Variants in ZNF280D observed in about 807,000 individuals in gnomAD.
The protein encoded by ZNF280D is zinc finger protein 280D, also known as suppressor of hairy wing homolog 4.
ZNF280D carries 39 observed loss-of-function variants against 94.7 expected under a neutral mutation model. The observed-to-expected ratio is 0.41, with a 90% CI of 0.32 to 0.54. The LOEUF (loss-of-function observed/expected upper bound fraction) is 0.54, where lower values mean the gene tolerates loss of function less well. Ranked by LOEUF, ZNF280D falls within the 20% of genes least tolerant of loss-of-function variation. The pLI, the probability that ZNF280D is intolerant of heterozygous loss-of-function variation, is 0.22. For missense variants in ZNF280D, 1,090 were observed against 1,149.3 expected (o/e 0.95, Z 0.75); for synonymous variants, 398 against 377.6 (o/e 1.05, Z -0.63).
intron 1 of ZNF280D, among the ~76,000 whole-genome samples, chr15:56,723,460 A>G (rs765016506): frequency 1.3e-5 from 2 of 152,210 alleles, no homozygotes; most frequent in Non-Finnish European, 2.9e-5. Flanking sequence ...ATTAGTGTTG[A>G]CAGTTGTACA....
intron 16 of ZNF280D, among the ~76,000 whole-genome samples, chr15:56,659,214 A>G (rs1338203483): frequency 2.0e-5 from 3 of 151,354 alleles, no homozygotes; most frequent in African/African-American, 7.3e-5. Flanking sequence ...TCATGAGTTA[A>G]AACAATGTTT....
At chr15:56,725,627 T>C (rs1192536842) in intron 1 of ZNF280D, among the ~76,000 whole-genome samples, 1 of 152,072 alleles carries the variant, frequency 6.6e-6, no homozygotes, top group Non-Finnish European at 1.5e-5. Context: ...GAGGACCTAG[T>C]AGAATCCTTC....
chr15:56,700,782 A>G (rs1245560645), intron 6 of ZNF280D, 151 bp downstream of exon 6: 15 of 1,532,696 alleles, frequency 9.8e-6, no homozygotes, highest in Non-Finnish European at 1.3e-5. Context: ...TGCTTGAGCT[A>G]GCGAAAATAT....
intron 9 of ZNF280D, among the ~76,000 whole-genome samples, chr15:56,686,303 A>G (rs527826352): frequency 6.6e-6 from 1 of 152,000 alleles, no homozygotes; most frequent in Non-Finnish European, 1.5e-5. Flanking sequence ...ATGCCTGGCT[A>G]AGTTCTTGTA....
intron 20 of ZNF280D, among the ~76,000 whole-genome samples, chr15:56,640,346 A>T (rs2052568636): frequency 6.6e-6 from 1 of 151,910 alleles, no homozygotes; most frequent in Admixed American, 6.6e-5. Flanking sequence ...CTGGTCTCTA[A>T]CTCCTAGACT....
intron 16 of ZNF280D, among the ~76,000 whole-genome samples, chr15:56,664,422 T>A (rs1367916753): frequency 2.0e-5 from 3 of 151,874 alleles, no homozygotes; most frequent in African/African-American, 7.3e-5. Context: ...GAGATGAAGA[T>A]CCAAGTTAAC....
intron 1 of ZNF280D, among the ~76,000 whole-genome samples, chr15:56,731,627 C>A (rs1324397959): frequency 6.6e-6 from 1 of 151,264 alleles, no homozygotes; most frequent in Admixed American, 6.6e-5. Context: ...AGTGTGATTG[C>A]GGTATTGTTA....
chr15:56,653,526 T>C, intron 19 of ZNF280D: 2 of 1,523,310 alleles, frequency 1.3e-6, no homozygotes, highest in Non-Finnish European at 1.8e-6. Context: ...CAGGCATCAG[T>C]TGTGTCCATC....
chr15:56,694,782 G>C (rs1036394972), intron 6 of ZNF280D, among the ~76,000 whole-genome samples: 1 of 152,136 alleles, frequency 6.6e-6, no homozygotes, highest in South Asian at 2.1e-4. Context: ...TAGGATACTG[G>C]GCAGGAAAAA....
rs962261678 is a variant in ZNF280D, at chr15:56,667,798, A to G, written c.1546-812T>C. Among the ~76,000 whole-genome samples the G allele has an allele frequency of 3.3e-5, 5 of 152,072 alleles. No individual in the cohort carries two copies. The South Asian group carries it at 8.3e-4, about 25-fold the overall frequency. On this transcript the variant is annotated intron_variant, in intron 14 of 21. Coordinates refer to ENST00000267807, the MANE Select transcript of ZNF280D (RefSeq NM_017661.4). ...CTTGAACAAGGAACTTATCCTCTCT[A>G]TGCTTCTTCACATCTATAACATGGG...
Position 56,676,713 on chromosome 15 carries a change from A to G in ZNF280D, c.1367T>C (p.Ile456Thr). The G allele has an allele frequency of 6.2e-7, 1 of 1,612,772 alleles. No homozygotes were observed. The highest frequency in any genetic ancestry group is 8.5e-7 in the Non-Finnish European group (1 of 1,179,210). Reference protein sequence around the residue: ...NLLCPFCLKVIKIATPYMHHY... With the variant: ...NLLCPFCLKVTKIATPYMHHY... ...ATGCATATATGGTGTTGCAATTTTA[A>G]TAACTTTGAGGCAAAACGGGCATAG... Residue 456 changes from isoleucine to threonine, a missense_variant, in exon 13 of 22, where the codon ATT becomes ACT. Ile to Thr is a moderately conservative substitution (Grantham distance 89). Coordinates refer to ENST00000267807, the MANE Select transcript of ZNF280D (RefSeq NM_017661.4).
At chr15:56,718,151 T>C (rs2058145426) in intron 1 of ZNF280D, among the ~76,000 whole-genome samples, 2 of 152,176 alleles carry the variant, frequency 1.3e-5, no homozygotes, top group Non-Finnish European at 2.9e-5. Flanking sequence ...TGTTGAATTA[T>C]GAAACTTCAT....
In ZNF280D at chr15:56,631,424, A is replaced by G; in HGVS notation, c.*74T>C. ...TTTCCATTTCTGAACCTACAACAGCACCACTGAGCTCACCTGATAGCACTG... is the reference window on the plus strand; with the variant it reads ...TTTCCATTTCTGAACCTACAACAGCGCCACTGAGCTCACCTGATAGCACTG... On this transcript the variant is annotated 3_prime_UTR_variant, in exon 22 of 22. Coordinates refer to ENST00000267807, the MANE Select transcript of ZNF280D (RefSeq NM_017661.4). 6.7e-7 allele frequency: 1 copy of G among 1,492,862 alleles called. No individual in the cohort carries two copies. The highest frequency in any genetic ancestry group is 9.1e-7 in the Non-Finnish European group (1 of 1,095,840). The allele number at this position is 1,492,862 out of a possible 1,614,324, so 92.5% of individuals were successfully genotyped here. A position where few individuals can be genotyped will look rare whatever the true frequency, so the allele number is the denominator to read the frequency against.
At chr15:56,685,500 T>C (rs1379657909) in intron 9 of ZNF280D, among the ~76,000 whole-genome samples, 2 of 152,122 alleles carry the variant, frequency 1.3e-5, no homozygotes, top group Non-Finnish European at 2.9e-5. Flanking sequence ...CATAAAGGAA[T>C]ATCAGTTAGA....
Position 56,632,233 on chromosome 15 carries a change from CA to C in ZNF280D, c.2316-112del, listed in dbSNP as rs1203556117. 37 of 1,070,296 alleles carry C rather than the reference CA, an allele frequency of 3.5e-5. No individual in the cohort carries two copies. In the Admixed American group the frequency reaches 6.5e-4, roughly 19 times the overall value. The allele number at this position is 1,070,296 out of a possible 1,614,324, so 66.3% of individuals were successfully genotyped here. ...AAAAAGTCAAGGTACATTTGCCCAC[CA>C]AAAAGGAAAACAGTCCAAGTTCCCA... On this transcript the variant is annotated intron_variant, in intron 21 of 21. Coordinates refer to ENST00000267807, the MANE Select transcript of ZNF280D (RefSeq NM_017661.4).
In ZNF280D at chr15:56,680,434, C is replaced by T. The variant is rs377499677; in HGVS notation, c.1005-1613G>A. ...TCTGTAAATATTATGAAAGCCTAAA[C>T]ATACGTAGCTAGTCTTCATAAACAT... On this transcript the variant is annotated intron_variant, in intron 10 of 21. Coordinates refer to ENST00000267807, the MANE Select transcript of ZNF280D (RefSeq NM_017661.4). 3.0e-4 allele frequency among the ~76,000 whole-genome samples: 46 copies of T among 152,262 alleles called. No individual in the cohort carries two copies. The South Asian group carries it at 7.7e-3, about 25-fold the overall frequency.
At chr15:56,655,075 G>A (rs1040518904) in intron 17 of ZNF280D, among the ~76,000 whole-genome samples, 1 of 152,180 alleles carries the variant, frequency 6.6e-6, no homozygotes, top group Non-Finnish European at 1.5e-5. Context: ...TGTACATTAT[G>A]TGTCAAGAGT....
At chr15:56,642,903 T>G (rs749915450) in intron 20 of ZNF280D, 49 bp downstream of exon 20, 1 of 1,332,874 alleles carries the variant, frequency 7.5e-7, no homozygotes, top group South Asian at 1.7e-5. Flanking sequence ...ATACCAATAA[T>G]ACTTTCAAAT....
Position 56,669,151 on chromosome 15 carries a change from T to C in ZNF280D, c.1411-194A>G, listed in dbSNP as rs556071636. 9.1e-4 allele frequency among the ~76,000 whole-genome samples: 139 copies of C among 152,154 alleles called. 1 individual carries two copies. Among genetic ancestry groups the C allele is most frequent in the African/African-American group, 3.3e-3 (137 of 41,556 alleles). ...CATTAGTATTTGGGTTTCAAAAGTG[T>C]TCGCTACTATGTAAGAACTGTACAT... On this transcript the variant is annotated intron_variant, in intron 13 of 21. Transcript: ENST00000267807.
Sources: allele counts gnomAD v4.1 joint callset (sites outside exome capture counted in the v4.1 genomes callset), GRCh38; gene constraint gnomAD v4.1.1; transcripts MANE v1.5; gene names NCBI Gene and HGNC (gene_info 2026-07-23, HGNC 2026-07-21).